The following ABCA12 variants were observed in gnomAD, a reference collection of about 807,000 sequenced individuals.
ABCA12 encodes ATP binding cassette subfamily A member 12.
In ABCA12, 156 loss-of-function variants were observed where a neutral mutation model predicts 293.5. The ratio of observed to expected loss-of-function variants is 0.53; its 90% CI spans 0.47 to 0.61. The LOEUF is 0.61. ABCA12 is among the 20% of genes least tolerant of loss of function. ABCA12 has a pLI of 0.00. For synonymous variants in ABCA12, 1,063 were observed against 1,108.0 expected, an observed-to-expected ratio of 0.96 and a Z score of 0.81; for missense variants, 2,797 against 3,090.2, an observed-to-expected ratio of 0.91 and a Z score of 2.25.
chr2:214,932,572 C>T lies in ABCA12; in HGVS notation c.*62G>A. Reference sequence around the variant, plus strand: ...AAGATATCTTGCGGAAGTGTATCTTCTGTGGCTTTTCTTCAAAATGAAGCC... The same window carrying T: ...AAGATATCTTGCGGAAGTGTATCTTTTGTGGCTTTTCTTCAAAATGAAGCC... On this transcript the variant is annotated 3_prime_UTR_variant, in exon 53 of 53. Coordinates refer to ENST00000272895, the MANE Select transcript of ABCA12 (RefSeq NM_173076.3). 4 of 1,225,054 alleles carry T rather than the reference C, an allele frequency of 3.3e-6. No individual in the cohort carries two copies. The highest frequency in any genetic ancestry group is 4.8e-6 in the Non-Finnish European group (4 of 830,496). 75.9% of individuals were successfully genotyped at this position (1,225,054 alleles called of 1,614,324 possible). A position where few individuals can be genotyped will look rare whatever the true frequency, so the allele number is the denominator to read the frequency against.
intron 2 of ABCA12, among the ~76,000 whole-genome samples, chr2:215,098,091 T>C (rs903451710): frequency 6.6e-6 from 1 of 152,142 alleles, no homozygotes; most frequent in African/African-American, 2.4e-5. Flanking sequence ...TTTTCCAGAA[T>C]AAACCATGTT....
chr2:215,012,376 T>A (rs1266895281), intron 15 of ABCA12, among the ~76,000 whole-genome samples: 3 of 152,180 alleles, frequency 2.0e-5, no homozygotes. Context: ...TTATTCACGA[T>A]AGCCAAAAAG....
intron 1 of ABCA12, among the ~76,000 whole-genome samples, chr2:215,117,872 C>T (rs1267675935): frequency 2.6e-5 from 4 of 152,182 alleles, no homozygotes; most frequent in African/African-American, 9.7e-5. Flanking sequence ...AGAAAGATCA[C>T]ATCAGACTCA....
chr2:214,949,174 T>C (rs371069260), intron 45 of ABCA12, 25 bp from the exon 46 acceptor site: 6 of 1,551,314 alleles, frequency 3.9e-6, no homozygotes, highest in East Asian at 2.2e-5. Flanking sequence ...AAAAAGAAGA[T>C]ATAAGCCTTA....
At chr2:215,074,536 G>A (rs1701797534) in intron 2 of ABCA12, among the ~76,000 whole-genome samples, 1 of 152,166 alleles carries the variant, frequency 6.6e-6, no homozygotes, top group African/African-American at 2.4e-5. Flanking sequence ...ACAATAATAT[G>A]GGCCAGAGGT....
chr2:214,948,717 G>A lies in ABCA12; in HGVS notation c.6983C>T (p.Ser2328Phe), dbSNP rs751127829. 2 of 1,614,056 alleles carry A rather than the reference G, an allele frequency of 1.2e-6. No homozygotes were observed. The highest frequency in any genetic ancestry group is 1.1e-5 in the South Asian group (1 of 91,080). Residue 2328 changes from serine (S) to phenylalanine (F), a missense_variant, in exon 47 of 53, where the codon TCT becomes TTT. Ser to Phe is a radical substitution (Grantham distance 155). This residue lies in a region of ABCA12 where 2,130 missense variants were observed against 2,427.0 expected (regional missense o/e 0.88). Transcript: ENST00000272895. ...ACAGTAGCCAACTAATGAGCTGTGA[G>A]AATCAACGTGACCCAGAGATCTGAA... is the stretch of plus-strand genomic sequence containing the variant. ...NKTGSLGHVD[S>F]HSSLVGYCPQ...
At chr2:215,093,137 C>T (rs1291924170) in intron 2 of ABCA12, among the ~76,000 whole-genome samples, 1 of 152,178 alleles carries the variant, frequency 6.6e-6, no homozygotes, top group Non-Finnish European at 1.5e-5. Flanking sequence ...TATCGCATAT[C>T]CCCCTCCAAA....
intron 44 of ABCA12, among the ~76,000 whole-genome samples, chr2:214,952,613 C>CT (rs1210680011): frequency 6.6e-6 from 1 of 152,192 alleles, no homozygotes; most frequent in Non-Finnish European, 1.5e-5. Context: ...TCCAGGGTCT[C>CT]TGACTCTTCC....
intron 3 of ABCA12, 79 bp downstream of exon 3, chr2:215,063,987 C>T: frequency 1.3e-6 from 2 of 1,588,622 alleles, no homozygotes; most frequent in Non-Finnish European, 1.7e-6. Context: ...TCTAAGCTTG[C>T]ATGGCTTCCT....
At chr2:214,987,104 G>A (rs1359418655) in intron 27 of ABCA12, among the ~76,000 whole-genome samples, 1 of 152,176 alleles carries the variant, frequency 6.6e-6, no homozygotes, top group East Asian at 1.9e-4. Context: ...TGATTTTAGA[G>A]TGATAAGACT....
chr2:215,100,769 T>C (rs1702342774), intron 2 of ABCA12, among the ~76,000 whole-genome samples: 1 of 152,210 alleles, frequency 6.6e-6, no homozygotes, highest in Admixed American at 6.5e-5. Flanking sequence ...GAAGCATCTT[T>C]TTTTAACCAT....
chr2:215,045,974 T>G lies in ABCA12; in HGVS notation c.735A>C (p.Glu245Asp), dbSNP rs1465337450. 6.2e-7 allele frequency: 1 copy of G among 1,613,756 alleles called. No homozygotes were observed. The highest frequency in any genetic ancestry group is 1.1e-5 in the South Asian group (1 of 91,066). ...DPNNQKIVFQ[E>D]IVRMLSFFSQ... ...AGAAGAAAGACAGCATTCTGACTAT[T>G]TCCTGAAACACTATCTTCTGATTGT... The change falls in exon 7 of 53, where the codon GAA becomes GAC. Residue 245 changes from glutamate (E) to aspartate (D), a missense_variant. By Grantham distance (45) the Glu-to-Asp change is conservative. This residue lies in a region of ABCA12 where 656 missense variants were observed against 638.2 expected (regional missense o/e 1.03). Transcript: ENST00000272895.
At chr2:215,137,998 G>A (rs1219020807) in intron 1 of ABCA12, 142 bp downstream of exon 1, 1 of 870,858 alleles carries the variant, frequency 1.1e-6, no homozygotes, top group Non-Finnish European at 2.0e-6. Context: ...GACAGATAGG[G>A]GGATGAATTC....
chr2:214,990,687 C>T lies in ABCA12; in HGVS notation c.3624+15G>A. The T allele has an allele frequency of 3.1e-6, 5 of 1,612,998 alleles. No homozygotes were observed. Among genetic ancestry groups the T allele is most frequent in the Non-Finnish European group, 4.2e-6 (5 of 1,179,172 alleles). The stretch of plus-strand genomic sequence containing the variant: ...TGGGTAATTTCCCACTCTGCCATTC[C>T]AACGGTTGACTTACCATGAACACTT... On this transcript the variant is annotated intron_variant, in intron 24 of 52. Transcript: ENST00000272895.
intron 22 of ABCA12, among the ~76,000 whole-genome samples, chr2:214,999,431 TGG>T (rs1353210459): frequency 3.6e-4 from 55 of 152,326 alleles, no homozygotes; most frequent in Non-Finnish European, 2.1e-4. Flanking sequence ...CTGGAAAGTA[TGG>T]ACAATAATTC....
intron 1 of ABCA12, among the ~76,000 whole-genome samples, chr2:215,119,249 G>T (rs1322560882): frequency 2.0e-5 from 3 of 152,200 alleles, no homozygotes; most frequent in South Asian, 2.1e-4. Context: ...GGGATTACAG[G>T]CATGAGCCAC....
intron 50 of ABCA12, among the ~76,000 whole-genome samples, chr2:214,939,005 T>C (rs1698310859): frequency 6.6e-6 from 1 of 152,196 alleles, no homozygotes; most frequent in Non-Finnish European, 1.5e-5. Context: ...CCATTGCTTT[T>C]GGTGTTTTAG....
chr2:215,102,140 G>A (rs1702371022), intron 2 of ABCA12, among the ~76,000 whole-genome samples: 1 of 152,136 alleles, frequency 6.6e-6, no homozygotes, highest in African/African-American at 2.4e-5. Context: ...TCTCTTTAGA[G>A]GTTGAGATTA....
At chr2:215,129,481 T>C (rs1298506441) in intron 1 of ABCA12, among the ~76,000 whole-genome samples, 2 of 152,226 alleles carry the variant, frequency 1.3e-5, no homozygotes, top group African/African-American at 4.8e-5. Flanking sequence ...TTATGATTCA[T>C]GATATTGAGA....
Sources: allele counts gnomAD v4.1 joint callset (sites outside exome capture counted in the v4.1 genomes callset), GRCh38; gene constraint gnomAD v4.1.1; regional missense constraint gnomAD v4.1.1; transcripts MANE v1.5; gene names NCBI Gene and HGNC (gene_info 2026-07-23, HGNC 2026-07-21).